The following MTX2 variants were observed in gnomAD, a reference collection of about 807,000 sequenced individuals.
MTX2 encodes the protein metaxin 2, also known as metaxin-2.
MTX2 carries 35 observed loss-of-function variants against 42.3 expected under a neutral mutation model. That is an observed-to-expected ratio of 0.83 (90% CI 0.63 to 1.10). The LOEUF (loss-of-function observed/expected upper bound fraction) is 1.10. Among genes scored for constraint, MTX2 ranks in the 50% least tolerant of loss-of-function variants. The pLI is 0.00. For synonymous variants in MTX2, 119 were observed against 100.9 expected, an observed-to-expected ratio of 1.18 and a Z score of -1.08; for missense variants, 307 against 304.1, an observed-to-expected ratio of 1.01 and a Z score of -0.07.
chr2:176,296,620 CT>C (rs934031600), intron 1 of MTX2, among the ~76,000 whole-genome samples: 5 of 151,986 alleles, frequency 3.3e-5, no homozygotes, highest in African/African-American at 1.2e-4. Flanking sequence ...GTATCTTCCC[CT>C]CTTCCCCATT....
chr2:176,281,304 A>G (rs957439187), intron 1 of MTX2, among the ~76,000 whole-genome samples: 1 of 152,174 alleles, frequency 6.6e-6, no homozygotes, highest in African/African-American at 2.4e-5. Flanking sequence ...AAGGCTGGGA[A>G]TGATCCAGTG....
At chr2:176,332,020 T>C (rs954361304) in intron 9 of MTX2, among the ~76,000 whole-genome samples, 1 of 151,266 alleles carries the variant, frequency 6.6e-6, no homozygotes, top group Non-Finnish European at 1.5e-5. Context: ...ATATCATTTT[T>C]CTTCATAAGG....
chr2:176,285,001 AACT>A (rs1281976495), intron 1 of MTX2, among the ~76,000 whole-genome samples: 4 of 152,198 alleles, frequency 2.6e-5, no homozygotes, highest in Non-Finnish European at 5.9e-5. Flanking sequence ...AAGAGTTGAG[AACT>A]ACTGTTGTAA....
chr2:176,287,986 C>G (rs572620303), intron 1 of MTX2, among the ~76,000 whole-genome samples: 261 of 104,708 alleles, frequency 2.5e-3, no homozygotes, highest in Non-Finnish European at 4.5e-3. Flanking sequence ...TACATAAACA[C>G]TGATCTCTGA....
rs539437789 is a variant in MTX2 at position 176,310,561 on chromosome 2, C to T, written c.135+12666C>T. 7.2e-5 allele frequency among the ~76,000 whole-genome samples: 11 copies of T among 152,330 alleles called. No individual in the cohort carries two copies. In the East Asian group the frequency reaches 2.1e-3, roughly 29 times the overall value. On this transcript the variant is annotated intron_variant, in intron 3 of 9. Coordinates refer to ENST00000249442, the MANE Select transcript of MTX2 (RefSeq NM_006554.5). Reference sequence around the variant, plus strand: ...ATCCAATGTAGATTTGGTCTTTTCACATAGTCCTATATTTCTTGGAGGCTT... The same window carrying T: ...ATCCAATGTAGATTTGGTCTTTTCATATAGTCCTATATTTCTTGGAGGCTT...
chr2:176,272,499 G>T (rs1469545134), intron 1 of MTX2, among the ~76,000 whole-genome samples: 1 of 151,900 alleles, frequency 6.6e-6, no homozygotes, highest in Non-Finnish European at 1.5e-5. Context: ...GATTTATTTA[G>T]TTCAAAATAT....
intron 3 of MTX2, among the ~76,000 whole-genome samples, chr2:176,304,022 CT>C (rs926826460): frequency 1.3e-5 from 2 of 151,742 alleles, no homozygotes; most frequent in Non-Finnish European, 2.9e-5. Context: ...AAACAACAGC[CT>C]TTTTTTAAAA....
intron 1 of MTX2, 141 bp downstream of exon 1, chr2:176,269,810 C>A (rs1692752278): frequency 4.8e-6 from 5 of 1,033,356 alleles, no homozygotes; most frequent in Non-Finnish European, 6.7e-6. Flanking sequence ...CACGGACTAC[C>A]AACCTTATCT....
rs760460901 is a variant in MTX2, at chr2:176,296,868, C to A, written c.49C>A (p.Pro17Thr). The change falls in exon 2 of 10, where the codon CCT (proline) becomes ACT (threonine). Residue 17 changes from proline to threonine, a missense_variant. Transcript: ENST00000249442. ...AFVSQIAAAE[P>T]WPENATLYQQ... is the part of the protein sequence containing the mutation. Reference sequence around the variant, plus strand: ...CTGCCTTGTTTCCATAGCTGCAGAACCTTGGCCTGAAAATGCTACATTATA... The same window carrying A: ...CTGCCTTGTTTCCATAGCTGCAGAAACTTGGCCTGAAAATGCTACATTATA... The A allele has an allele frequency of 1.2e-6, 2 of 1,613,446 alleles. No homozygotes were observed. The highest frequency in any genetic ancestry group is 1.7e-6 in the Non-Finnish European group (2 of 1,179,638).
In MTX2 at chr2:176,303,866, A is replaced by C. The variant is rs542519975; in HGVS notation, c.135+5971A>C. 3.3e-5 allele frequency among the ~76,000 whole-genome samples: 5 copies of C among 152,156 alleles called. No homozygotes were observed. In the East Asian group the frequency reaches 9.6e-4, roughly 29 times the overall value. On this transcript the variant is annotated intron_variant, in intron 3 of 9. Coordinates refer to ENST00000249442, the MANE Select transcript of MTX2 (RefSeq NM_006554.5). ...CTGATATAAATACGTATTTAACTTA[A>C]CGAAAATTCACACTCCTGTAGTTCT...
intron 1 of MTX2, among the ~76,000 whole-genome samples, chr2:176,272,046 A>G (rs564627265): frequency 2.6e-5 from 4 of 152,312 alleles, no homozygotes; most frequent in Middle Eastern, 3.4e-3. Flanking sequence ...ATAAGATACA[A>G]TGGAATACTA....
intron 3 of MTX2, among the ~76,000 whole-genome samples, chr2:176,301,644 A>G (rs986611643): frequency 6.6e-6 from 1 of 152,206 alleles, no homozygotes; most frequent in Non-Finnish European, 1.5e-5. Context: ...TCGACAGTCC[A>G]CACTCATAAC....
intron 1 of MTX2, among the ~76,000 whole-genome samples, chr2:176,271,746 A>G (rs959838482): frequency 2.0e-5 from 3 of 152,216 alleles, no homozygotes; most frequent in Non-Finnish European, 4.4e-5. Flanking sequence ...TGAAAATTCT[A>G]CTTATGGGGG....
chr2:176,327,560 A>AATAT (rs550059324), intron 5 of MTX2, among the ~76,000 whole-genome samples: 1 of 144,372 alleles, frequency 6.9e-6, no homozygotes, highest in African/African-American at 2.5e-5. Flanking sequence ...ATATCTCCAA[A>AATAT]ATATATATAT....
chr2:176,291,144 AAAAG>A (rs1693320014), intron 1 of MTX2, among the ~76,000 whole-genome samples: 1 of 152,190 alleles, frequency 6.6e-6, no homozygotes, highest in African/African-American at 2.4e-5. Flanking sequence ...CATACACTAA[AAAAG>A]AAAGTAGAGT....
Position 176,330,564 on chromosome 2 carries a change from G to A in MTX2, c.544-20G>A. 1 of 1,503,760 alleles carries A rather than the reference G, an allele frequency of 6.6e-7. No individual in the cohort carries two copies. Among genetic ancestry groups the A allele is most frequent in the South Asian group, 1.4e-5 (1 of 70,094 alleles). The allele number at this position is 1,503,760 out of a possible 1,614,324, so 93.2% of individuals were successfully genotyped here. ...TTGCTAATTGAAATACTTTTCCTTG[G>A]GGTTCATTGCCTGTGTTAGGTCTTA... On this transcript the variant is annotated intron_variant, in intron 8 of 9. Coordinates refer to ENST00000249442, the MANE Select transcript of MTX2 (RefSeq NM_006554.5).
At chr2:176,312,891 A>G (rs927734373) in intron 3 of MTX2, among the ~76,000 whole-genome samples, 2 of 151,268 alleles carry the variant, frequency 1.3e-5, no homozygotes, top group Non-Finnish European at 2.9e-5. Flanking sequence ...AAAAGAAAGA[A>G]AGAAAAGTAC....
chr2:176,288,879 G>A (rs1482615922), intron 1 of MTX2, among the ~76,000 whole-genome samples: 2 of 151,700 alleles, frequency 1.3e-5, no homozygotes, highest in Non-Finnish European at 2.9e-5. Flanking sequence ...TCTTATATTA[G>A]ATCATCGAGA....
chr2:176,287,697 ATCT>A (rs1392929738), intron 1 of MTX2, among the ~76,000 whole-genome samples: 2 of 152,102 alleles, frequency 1.3e-5, no homozygotes, highest in Non-Finnish European at 2.9e-5. Flanking sequence ...TCTGGTCTGA[ATCT>A]TCTTCTAGAA....
Sources: gnomAD v4.1 joint callset for allele counts (sites outside exome capture counted in the v4.1 genomes callset) on GRCh38, gnomAD v4.1.1 for gene constraint, MANE v1.5 for transcripts, NCBI Gene and HGNC (gene_info 2026-07-23, HGNC 2026-07-21) for gene names.